TWF1: variants seen among roughly 807,000 people sequenced by gnomAD.
The protein encoded by TWF1 is twinfilin actin binding protein 1.
A neutral mutation model predicts 47.9 loss-of-function variants in TWF1; 14 were observed. The ratio of observed to expected loss-of-function variants is 0.29; its 90% CI spans 0.19 to 0.46. The LOEUF (loss-of-function observed/expected upper bound fraction) is 0.46, where lower values mean the gene tolerates loss of function less well. Ranked by LOEUF, TWF1 falls within the 20% of genes least tolerant of loss-of-function variation. The pLI, the probability that TWF1 is intolerant of heterozygous loss-of-function variation, is 1.00. For synonymous variants in TWF1, 96 were observed against 139.2 expected (o/e 0.69, Z 2.18); for missense variants, 281 against 409.3 (o/e 0.69, Z 2.70).
intron 1 of TWF1, among the ~76,000 whole-genome samples, chr12:43,805,188 C>A (rs1442592445): frequency 6.6e-6 from 1 of 152,118 alleles, no homozygotes; most frequent in Non-Finnish European, 1.5e-5. Flanking sequence ...TAATTTCGTT[C>A]CTGTGTTGTC....
chr12:43,802,533 T>G, intron 2 of TWF1, 69 bp from the exon 3 acceptor site: 1 of 1,148,406 alleles, frequency 8.7e-7, no homozygotes, highest in Non-Finnish European at 1.3e-6. Flanking sequence ...TGATGAAGAC[T>G]AGAAAAATAA....
Position 43,795,778 on chromosome 12 carries a change from C to T in TWF1, c.883-23G>A, listed in dbSNP as rs755944131. ...GATCTGTAAAAGATAAAATTAGAAG[C>T]ACAACATTCAAAACCTAATACAAGC... is the stretch of plus-strand genomic sequence containing the variant. On this transcript the variant is annotated intron_variant, in intron 8 of 8. Coordinates refer to ENST00000395510, the MANE Select transcript of TWF1 (RefSeq NM_002822.5). 10 of 1,609,876 alleles carry T rather than the reference C, an allele frequency of 6.2e-6. No homozygotes were observed. In the Admixed American group the frequency reaches 1.5e-4, roughly 24 times the overall value.
intron 1 of TWF1, chr12:43,805,626 C>T (rs1029565150): frequency 1.2e-5 from 6 of 506,116 alleles, no homozygotes; most frequent in Admixed American, 2.3e-5. Flanking sequence ...ATCAGTTTCC[C>T]TTGGGGAGTA....
intron 5 of TWF1, chr12:43,798,581 G>T: frequency 6.6e-7 from 1 of 1,522,840 alleles, no homozygotes. Context: ...ATGATCCTCT[G>T]GGCTCTGATT....
Position 43,797,344 on chromosome 12 carries a change from G to C in TWF1, c.718C>G (p.Leu240Val). 2 of 1,604,474 alleles carry C rather than the reference G, an allele frequency of 1.2e-6. No homozygotes were observed. Among genetic ancestry groups the C allele is most frequent in the East Asian group, 2.2e-5 (1 of 44,722 alleles). Residue 240 changes from leucine to valine, a missense_variant, in exon 7 of 9, where the codon CTG (leucine) becomes GTG (valine). Leu to Val is a conservative substitution (Grantham distance 32, BLOSUM62 1). Coordinates refer to ENST00000395510, the MANE Select transcript of TWF1 (RefSeq NM_002822.5). ...PKDSARYHFF[L>V]YKHSHEGDYL... The stretch of plus-strand genomic sequence containing the variant: ...TCTCCTTCATGGGAATGTTTATACA[G>C]AAAGAAATGGTAACGAGCTGAATCC...
chr12:43,794,389 T>C lies in TWF1; in HGVS notation c.*1196A>G, dbSNP rs1044024200. The C allele has an allele frequency of 1.9e-4, 29 of 152,108 alleles. No individual in the cohort carries two copies. Among genetic ancestry groups the C allele is most frequent in the African/African-American group, 6.5e-4 (27 of 41,382 alleles). 9.4% of individuals were successfully genotyped at this position (152,108 alleles called of 1,614,324 possible). On this transcript the variant is annotated 3_prime_UTR_variant, in exon 9 of 9. Transcript: ENST00000395510. ...ATATATTACCTTAGATAATAAGGTT[T>C]AGAAATGAGTGCTTCACACTATGAA... is the stretch of plus-strand genomic sequence containing the variant.
chr12:43,804,917 CCTG>C (rs1001594800), intron 1 of TWF1, among the ~76,000 whole-genome samples: 1 of 152,120 alleles, frequency 6.6e-6, no homozygotes, highest in Non-Finnish European at 1.5e-5. Context: ...ATATTGAAAA[CCTG>C]CTTTCATTCT....
intron 5 of TWF1, chr12:43,798,584 C>A: frequency 6.6e-7 from 1 of 1,519,638 alleles, no homozygotes; most frequent in Admixed American, 2.1e-5. Flanking sequence ...ATCCTCTGGG[C>A]TCTGATTGCA....
In TWF1 at chr12:43,797,404, T is replaced by C. The variant is rs996297504; in HGVS notation, c.658A>G (p.Thr220Ala). 41 of 1,602,356 alleles carry C rather than the reference T, an allele frequency of 2.6e-5. No individual in the cohort carries two copies. Among genetic ancestry groups the C allele is most frequent in the Non-Finnish European group, 3.5e-5 (41 of 1,175,106 alleles). Residue 220 changes from threonine to alanine, a missense_variant, in exon 7 of 9, where the codon ACA (threonine) becomes GCA (alanine). Physicochemically the swap from Thr to Ala is moderately conservative, Grantham distance 58. Transcript: ENST00000395510. ...CTCTTTGGCAAATCTTTCAGTTCTG[T>C]ATTTGTTGTGTTGGCCAAAATTATA... ...EIIILANTTN[T>A]ELKDLPKRIP...
rs572461682 is a variant in TWF1 at position 43,800,657 on chromosome 12, A to G, written c.283-127T>C. ...AAAACTGAGCTGAAGTCCACCCACT[A>G]TAATATGCTAAAATACGTGTGTACA... is the stretch of plus-strand genomic sequence containing the variant. On this transcript the variant is annotated intron_variant, in intron 3 of 8. Coordinates refer to ENST00000395510, the MANE Select transcript of TWF1 (RefSeq NM_002822.5). The G allele has an allele frequency of 4.6e-6, 3 of 649,482 alleles. No individual in the cohort carries two copies. The African/African-American group carries it at 5.5e-5, about 12-fold the overall frequency. The allele number at this position is 649,482 out of a possible 1,614,324, so 40.2% of individuals were successfully genotyped here.
chr12:43,797,418 G>A lies in TWF1; in HGVS notation c.644C>T (p.Ala215Val), dbSNP rs755447322. 3 of 1,595,850 alleles carry A rather than the reference G, an allele frequency of 1.9e-6. No individual in the cohort carries two copies. The highest frequency in any genetic ancestry group is 2.0e-4 in the Middle Eastern group (1 of 5,122). The stretch of plus-strand genomic sequence containing the variant: ...TTTCAGTTCTGTATTTGTTGTGTTG[G>A]CCAAAATTATAATTTCATTTTTTAT... ...IDIKNEIIILANTTNTELKDL... is the reference protein window; with the variant it reads ...IDIKNEIIILVNTTNTELKDL... The change falls in exon 7 of 9, where the codon GCC becomes GTC. Residue 215 changes from alanine (A) to valine (V), a missense_variant. By Grantham distance (64) the Ala-to-Val change is moderately conservative. Coordinates refer to ENST00000395510, the MANE Select transcript of TWF1 (RefSeq NM_002822.5).
At chr12:43,803,750 T>C (rs1403647225) in intron 2 of TWF1, among the ~76,000 whole-genome samples, 1 of 152,130 alleles carries the variant, frequency 6.6e-6, no homozygotes, top group Non-Finnish European at 1.5e-5. Context: ...CAAACTATTC[T>C]GGTATTTTTT....
chr12:43,800,875 C>T (rs968623454), intron 3 of TWF1, among the ~76,000 whole-genome samples: 16 of 152,134 alleles, frequency 1.1e-4, no homozygotes, highest in East Asian at 3.9e-4. Context: ...CTCAGCCTCC[C>T]GAGTAGCTGG....
intron 2 of TWF1, among the ~76,000 whole-genome samples, chr12:43,802,753 A>T (rs1210541972): frequency 6.6e-6 from 1 of 152,204 alleles, no homozygotes; most frequent in Non-Finnish European, 1.5e-5. Flanking sequence ...TAATGTAATG[A>T]CCTATAACAG....
intron 5 of TWF1, chr12:43,798,462 G>C (rs1327866168): frequency 9.4e-6 from 11 of 1,164,418 alleles, no homozygotes; most frequent in Non-Finnish European, 1.3e-5. Flanking sequence ...TGTTGCAACA[G>C]AAAGTCCAAT....
rs141666184 is a variant in TWF1 at position 43,795,742 on chromosome 12, T to C, written c.896A>G (p.Asn299Ser). 211 of 1,613,806 alleles carry C rather than the reference T, an allele frequency of 1.3e-4. 2 individuals carry two copies. The African/African-American group carries it at 2.2e-3, about 17-fold the overall frequency. ...MDVIRKIEID[N>S]GDELTADFLY... is the part of the protein sequence containing the mutation. Reference sequence around the variant, plus strand: ...GAAGTCTGCAGTCAACTCATCCCCATTGTCTATCTCGATCTGTAAAAGATA... The same window carrying C: ...GAAGTCTGCAGTCAACTCATCCCCACTGTCTATCTCGATCTGTAAAAGATA... The change falls in exon 9 of 9, where the codon AAT (asparagine) becomes AGT (serine). Residue 299 changes from asparagine to serine, a missense_variant. By Grantham distance (46) the Asn-to-Ser change is conservative. Coordinates refer to ENST00000395510, the MANE Select transcript of TWF1 (RefSeq NM_002822.5).
chr12:43,799,795 G>C (rs1942625735), intron 4 of TWF1, among the ~76,000 whole-genome samples: 1 of 151,972 alleles, frequency 6.6e-6, no homozygotes, highest in Admixed American at 6.6e-5. Context: ...AAGTCTATAG[G>C]ACAACTGTAA....
At position 43,800,639 on chromosome 12, in the gene TWF1, A is replaced by G. The variant is rs988726808; in HGVS notation, c.283-109T>C. The stretch of plus-strand genomic sequence containing the variant: ...CTGAATCACATTAAAAACAAAACTG[A>G]GCTGAAGTCCACCCACTATAATATG... On this transcript the variant is annotated intron_variant, in intron 3 of 8. Coordinates refer to ENST00000395510, the MANE Select transcript of TWF1 (RefSeq NM_002822.5). 11 of 784,742 alleles carry G rather than the reference A, an allele frequency of 1.4e-5. No homozygotes were observed. In the African/African-American group the frequency reaches 1.9e-4, roughly 14 times the overall value. 48.6% of individuals were successfully genotyped at this position (784,742 alleles called of 1,614,324 possible).
chr12:43,799,870 T>A (rs1942627146), intron 4 of TWF1, among the ~76,000 whole-genome samples: 1 of 152,106 alleles, frequency 6.6e-6, no homozygotes, highest in Admixed American at 6.5e-5. Flanking sequence ...TTCTGAATAC[T>A]ATGTTATAAT....
Sources: allele counts gnomAD v4.1 joint callset (sites outside exome capture counted in the v4.1 genomes callset), GRCh38; gene constraint gnomAD v4.1.1; transcripts MANE v1.5; gene names NCBI Gene and HGNC (gene_info 2026-07-23, HGNC 2026-07-21).